Variants in PLEKHM2 observed in about 807,000 individuals in gnomAD.
PLEKHM2 encodes pleckstrin homology and RUN domain containing M2.
Under a neutral mutation model 116.3 loss-of-function variants are expected in PLEKHM2, and 77 were observed. The ratio of observed to expected loss-of-function variants is 0.66; its 90% CI spans 0.55 to 0.80. The LOEUF (loss-of-function observed/expected upper bound fraction) is 0.80, where lower values mean the gene tolerates loss of function less well. Among genes scored for constraint, PLEKHM2 ranks in the 30% least tolerant of loss-of-function variants. The pLI is 0.00. For synonymous variants in PLEKHM2, 562 were observed against 571.0 expected, an observed-to-expected ratio of 0.98 and a Z score of 0.22; for missense variants, 1,183 against 1,354.9, an observed-to-expected ratio of 0.87 and a Z score of 1.99.
At chr1:15,705,204 G>T (rs1035200355) in intron 1 of PLEKHM2, among the ~76,000 whole-genome samples, 1 of 140,306 alleles carries the variant, frequency 7.1e-6, no homozygotes, top group Non-Finnish European at 1.5e-5. Context: ...TTTTGAGATG[G>T]GGTCTCACTC....
In PLEKHM2 at chr1:15,728,646, G is replaced by A. The variant is rs755098347; in HGVS notation, c.1922-23G>A. ...GGAAAAGAGGCCTGTGGGGATAATA[G>A]GCCTTGGGGTTTCCTCTCTCAGGGG... On this transcript the variant is annotated intron_variant, in intron 11 of 19. Transcript: ENST00000375799. This position sits in a 1 kb window ranked among gnomAD's most constrained non-coding sequence, Gnocchi z 5.9. 27 of 1,598,246 alleles carry A rather than the reference G, an allele frequency of 1.7e-5. No homozygotes were observed. The highest frequency in any genetic ancestry group is 2.3e-5 in the Non-Finnish European group (27 of 1,171,106).
At position 15,729,376 on chromosome 1, in the gene PLEKHM2, T is replaced by C. The variant is rs1054301350; in HGVS notation, c.2075+186T>C. 1.3e-5 allele frequency among the ~76,000 whole-genome samples: 2 copies of C among 151,962 alleles called. No homozygotes were observed. Among genetic ancestry groups the C allele is most frequent in the Admixed American group, 1.3e-4 (2 of 15,270 alleles). On this transcript the variant is annotated intron_variant, in intron 13 of 19. Coordinates refer to ENST00000375799, the MANE Select transcript of PLEKHM2 (RefSeq NM_015164.4). This position sits in a 1 kb window ranked among gnomAD's most constrained non-coding sequence, Gnocchi z 4.7. ...AAGTAGACGACAATCATAGGACTCA[T>C]GTGGTCAGCCCAGGTGACCTCAGCC...
chr1:15,722,894 C>G (rs1010476023), intron 7 of PLEKHM2: 12 of 152,278 alleles, frequency 7.9e-5, no homozygotes, highest in African/African-American at 2.6e-4. Context: ...AGTCACTTGA[C>G]AAGCAGGGCC....
rs368018228 is a variant in PLEKHM2 at position 15,731,988 on chromosome 1, C to G, written c.2565C>G (p.Ala855=). The change falls in exon 17 of 20, where the codon GCC becomes GCG. Residue 855 remains alanine (A), a synonymous_variant. Coordinates refer to ENST00000375799, the MANE Select transcript of PLEKHM2 (RefSeq NM_015164.4). ...ACCGGCCCTGCCTGGAGCTAAGTGC[C>G]GAGAGCGAGGCCGAGATGGCCGAGT... ...LSDRPCLELS[A]ESEAEMAEWM... is the part of the protein sequence containing the mutation. 6.8e-6 allele frequency: 11 copies of G among 1,612,470 alleles called. No homozygotes were observed. The East Asian group carries it at 1.6e-4, about 23-fold the overall frequency.
chr1:15,695,544 G>A (rs890893262), intron 1 of PLEKHM2, among the ~76,000 whole-genome samples: 6 of 152,006 alleles, frequency 3.9e-5, no homozygotes, highest in Non-Finnish European at 7.4e-5. Context: ...ACAGAGTTTC[G>A]CTCTTTCACC....
At chr1:15,698,713 A>C (rs1366913856) in intron 1 of PLEKHM2, among the ~76,000 whole-genome samples, 1 of 151,420 alleles carries the variant, frequency 6.6e-6, no homozygotes, top group Non-Finnish European at 1.5e-5. Flanking sequence ...ACACCTGGCT[A>C]ATTTTTTGTA....
chr1:15,729,035 C>T lies in PLEKHM2; in HGVS notation c.1987-67C>T. Reference sequence around the variant, plus strand: ...CCTCCCCAGCAAGCGCTCAGCCTGGCCAAGCTGCCTTCTCCGCCAGGCAGC... The same window carrying T: ...CCTCCCCAGCAAGCGCTCAGCCTGGTCAAGCTGCCTTCTCCGCCAGGCAGC... On this transcript the variant is annotated intron_variant, in intron 12 of 19. Coordinates refer to ENST00000375799, the MANE Select transcript of PLEKHM2 (RefSeq NM_015164.4). The surrounding 1 kb of genome is among the most constrained non-coding windows in gnomAD (Gnocchi z 4.7). 1.4e-6 allele frequency: 2 copies of T among 1,447,920 alleles called. No homozygotes were observed. The highest frequency in any genetic ancestry group is 2.4e-5 in the South Asian group (2 of 82,166). The allele number at this position is 1,447,920 out of a possible 1,614,324, so 89.7% of individuals were successfully genotyped here.
chr1:15,691,868 C>A (rs1010540724), intron 1 of PLEKHM2, among the ~76,000 whole-genome samples: 15 of 152,072 alleles, frequency 9.9e-5, no homozygotes, highest in Middle Eastern at 3.4e-3. Flanking sequence ...CAGCACTTTG[C>A]GGGGCTGAGG....
At chr1:15,716,091 CAG>C (rs1641437395) in intron 1 of PLEKHM2, 144 bp from the exon 2 acceptor site, 3 of 597,462 alleles carry the variant, frequency 5.0e-6, no homozygotes, top group East Asian at 2.8e-5. Flanking sequence ...GCAGCTGGGA[CAG>C]GGGTGGTTTG....
In PLEKHM2 at chr1:15,731,871, C is replaced by A; in HGVS notation, c.2466-18C>A. 6.2e-7 allele frequency: 1 copy of A among 1,604,734 alleles called. No homozygotes were observed. ...CCTTGCCTCCTCGCTCCCGTTTCAC[C>A]CTCCTCCTCTGGCCCAGGGGGGAGC... On this transcript the variant is annotated intron_variant, in intron 16 of 19. Transcript: ENST00000375799.
At chr1:15,714,492 C>T (rs1411573981) in intron 1 of PLEKHM2, among the ~76,000 whole-genome samples, 1 of 152,074 alleles carries the variant, frequency 6.6e-6, no homozygotes, top group Non-Finnish European at 1.5e-5. Context: ...AGAAATCTTT[C>T]CTTCTGGTGC....
At chr1:15,716,475 A>G in intron 2 of PLEKHM2, 132 bp downstream of exon 2, 3 of 677,834 alleles carry the variant, frequency 4.4e-6, no homozygotes, top group South Asian at 1.8e-5. Flanking sequence ...GTCCCACTCA[A>G]GTGGGCCACA....
At chr1:15,726,448 A>G (rs1179458481) in intron 8 of PLEKHM2, among the ~76,000 whole-genome samples, 9 of 152,170 alleles carry the variant, frequency 5.9e-5, no homozygotes, top group Non-Finnish European at 1.3e-4. Flanking sequence ...TGGAGCCAGG[A>G]GGCCACCCCA....
At position 15,721,522 on chromosome 1, in the gene PLEKHM2, C is replaced by G. The variant is rs1284507425; in HGVS notation, c.712+134C>G. On this transcript the variant is annotated intron_variant, in intron 7 of 19. Coordinates refer to ENST00000375799, the MANE Select transcript of PLEKHM2 (RefSeq NM_015164.4). This position sits in a 1 kb window ranked among gnomAD's most constrained non-coding sequence, Gnocchi z 5.1. Reference sequence around the variant, plus strand: ...TCATAATAAAGCCAAGTTTGGTGTTCTAATAGATGGAATTCTGCAGTGGGA... The same window carrying G: ...TCATAATAAAGCCAAGTTTGGTGTTGTAATAGATGGAATTCTGCAGTGGGA... 3.5e-5 allele frequency: 21 copies of G among 598,796 alleles called. No individual in the cohort carries two copies. Among genetic ancestry groups the G allele is most frequent in the Non-Finnish European group, 5.5e-5 (19 of 345,096 alleles). The allele number at this position is 598,796 out of a possible 1,614,324, so 37.1% of individuals were successfully genotyped here. A position where few individuals can be genotyped will look rare whatever the true frequency, so the allele number is the denominator to read the frequency against.
intron 19 of PLEKHM2, among the ~76,000 whole-genome samples, chr1:15,733,408 G>A (rs912985380): frequency 2.0e-5 from 3 of 152,228 alleles, no homozygotes; most frequent in Admixed American, 1.3e-4. Flanking sequence ...GTGTGGGAGC[G>A]TGCTCATGAG....
intron 1 of PLEKHM2, among the ~76,000 whole-genome samples, chr1:15,694,650 C>T (rs1034235026): frequency 3.9e-5 from 6 of 152,026 alleles, no homozygotes; most frequent in Non-Finnish European, 5.9e-5. Context: ...TTGATCTATC[C>T]GTTATTGAAA....
intron 19 of PLEKHM2, among the ~76,000 whole-genome samples, chr1:15,733,343 TG>T (rs916007799): frequency 1.3e-5 from 2 of 152,214 alleles, no homozygotes; most frequent in South Asian, 2.1e-4. Flanking sequence ...TGTGCTCAGA[TG>T]GGGGGACACA....
chr1:15,733,653 C>A, intron 19 of PLEKHM2, 144 bp from the exon 20 acceptor site: 1 of 860,842 alleles, frequency 1.2e-6, no homozygotes, highest in Non-Finnish European at 1.8e-6. Flanking sequence ...AAACTAGCAG[C>A]GTGGAAGATG....
chr1:15,734,092 T>G lies in PLEKHM2; in HGVS notation c.*158T>G. The G allele has an allele frequency of 1.3e-6, 1 of 764,688 alleles. No homozygotes were observed. Among genetic ancestry groups the G allele is most frequent in the East Asian group, 2.9e-5 (1 of 34,410 alleles). The allele number at this position is 764,688 out of a possible 1,614,324, so 47.4% of individuals were successfully genotyped here. A position where few individuals can be genotyped will look rare whatever the true frequency, so the allele number is the denominator to read the frequency against. On this transcript the variant is annotated 3_prime_UTR_variant, in exon 20 of 20. Transcript: ENST00000375799. ...GTGGCTTAAGACAGGGTCCCTCCAC[T>G]CCAGGGATCCAGATCAGGTGCCCGG...
Sources: gnomAD v4.1 joint callset for allele counts (sites outside exome capture counted in the v4.1 genomes callset) on GRCh38, gnomAD v4.1.1 for gene constraint, Gnocchi (gnomAD v3.1) non-coding constraint, MANE v1.5 for transcripts, NCBI Gene and HGNC (gene_info 2026-07-23, HGNC 2026-07-21) for gene names.